The following PAFAH1B1 variants were observed in gnomAD, a reference collection of about 807,000 sequenced individuals.
PAFAH1B1 encodes the protein platelet activating factor acetylhydrolase 1b regulatory subunit 1.
In PAFAH1B1, 2 loss-of-function variants were observed where a neutral mutation model predicts 57.5. The ratio of observed to expected loss-of-function variants is 0.03; its 90% CI spans 0.01 to 0.11. The LOEUF (loss-of-function observed/expected upper bound fraction) is 0.11. Ranked by LOEUF, PAFAH1B1 falls within the 10% of genes least tolerant of loss-of-function variation. The pLI is 1.00. For missense variants in PAFAH1B1, 257 were observed against 512.0 expected (o/e 0.50, Z 4.81); for synonymous variants, 152 against 169.6 (o/e 0.90, Z 0.81).
intron 1 of PAFAH1B1, among the ~76,000 whole-genome samples, chr17:2,597,889 G>A (rs1567520941): frequency 6.6e-6 from 1 of 151,936 alleles, no homozygotes; most frequent in Non-Finnish European, 1.5e-5. Context: ...TGTGGTTCAT[G>A]TTATTCATAA....
At chr17:2,673,362 G>A (rs566150088) in intron 7 of PAFAH1B1, among the ~76,000 whole-genome samples, 20 of 152,120 alleles carry the variant, frequency 1.3e-4, no homozygotes, top group Admixed American at 1.2e-3. Context: ...ATCTTTGGCC[G>A]GGCGCGGTGG....
intron 6 of PAFAH1B1, among the ~76,000 whole-genome samples, chr17:2,670,704 C>G (rs1372289230): frequency 6.6e-6 from 1 of 152,170 alleles, no homozygotes; most frequent in Non-Finnish European, 1.5e-5. Flanking sequence ...CTCTTGCTCA[C>G]TTAAGTGAAA....
rs2068648271 is a variant in PAFAH1B1, at chr17:2,638,217, A to G, written c.-72A>G. On this transcript the variant is annotated 5_prime_UTR_variant, in exon 2 of 11. Coordinates refer to ENST00000397195, the MANE Select transcript of PAFAH1B1 (RefSeq NM_000430.4). ...GCATATTTAAATTATAAGTCCACGG[A>G]TCAAAAAGCTTTTTGATTTCCCAAA... 1.6e-6 allele frequency: 2 copies of G among 1,271,236 alleles called. No individual in the cohort carries two copies. Among genetic ancestry groups the G allele is most frequent in the African/African-American group, 1.5e-5 (1 of 67,982 alleles). 78.7% of individuals were successfully genotyped at this position (1,271,236 alleles called of 1,614,324 possible).
chr17:2,685,238 G>A lies in PAFAH1B1; in HGVS notation c.*3436G>A, dbSNP rs911698189. ...GAATGGGCCTTTTTATCTTCCCACTGTATCATGGAAGTAGCTGCTTGCTTG... is the reference window on the plus strand; with the variant it reads ...GAATGGGCCTTTTTATCTTCCCACTATATCATGGAAGTAGCTGCTTGCTTG... On this transcript the variant is annotated 3_prime_UTR_variant, in exon 11 of 11. Coordinates refer to ENST00000397195, the MANE Select transcript of PAFAH1B1 (RefSeq NM_000430.4). 6.6e-6 allele frequency: 1 copy of A among 152,530 alleles called. No individual in the cohort carries two copies. Among genetic ancestry groups the A allele is most frequent in the Non-Finnish European group, 1.5e-5 (1 of 68,040 alleles). 9.4% of individuals were successfully genotyped at this position (152,530 alleles called of 1,614,324 possible). A position where few individuals can be genotyped will look rare whatever the true frequency, so the allele number is the denominator to read the frequency against.
intron 1 of PAFAH1B1, among the ~76,000 whole-genome samples, chr17:2,635,998 C>G (rs1264044222): frequency 6.6e-6 from 1 of 151,390 alleles, no homozygotes; most frequent in African/African-American, 2.4e-5. Flanking sequence ...TGGCACATGC[C>G]TGTATTCTTA....
At chr17:2,645,083 C>T (rs1451561201) in intron 2 of PAFAH1B1, among the ~76,000 whole-genome samples, 1 of 151,886 alleles carries the variant, frequency 6.6e-6, no homozygotes, top group African/African-American at 2.4e-5. Flanking sequence ...CCCGTCTCTA[C>T]AAAAAATACA....
chr17:2,656,064 A>C (rs996572259), intron 2 of PAFAH1B1, among the ~76,000 whole-genome samples: 2 of 152,034 alleles, frequency 1.3e-5, no homozygotes, highest in African/African-American at 4.8e-5. Flanking sequence ...CTGAGACTAC[A>C]GACATCTGCC....
chr17:2,671,675 T>C (rs532243649), intron 6 of PAFAH1B1, among the ~76,000 whole-genome samples: 221 of 144,808 alleles, frequency 1.5e-3, no homozygotes, highest in African/African-American at 5.3e-3. Context: ...CAATCTTTGC[T>C]CACTGCAACC....
intron 2 of PAFAH1B1, chr17:2,640,778 G>C (rs779335768): frequency 6.6e-6 from 1 of 152,088 alleles, no homozygotes; most frequent in Non-Finnish European, 1.5e-5. Context: ...TTCTTGGCCA[G>C]AATACTACAT....
chr17:2,600,099 T>A (rs192724891), intron 1 of PAFAH1B1, among the ~76,000 whole-genome samples: 4 of 149,842 alleles, frequency 2.7e-5, no homozygotes, highest in African/African-American at 9.8e-5. Flanking sequence ...TCTGCCTCAG[T>A]CTCCCGAGTA....
chr17:2,634,048 A>C (rs2068590776), intron 1 of PAFAH1B1, among the ~76,000 whole-genome samples: 1 of 148,020 alleles, frequency 6.8e-6, no homozygotes, highest in African/African-American at 2.5e-5. Flanking sequence ...TTTCACAGGC[A>C]TCTTAGAATC....
intron 2 of PAFAH1B1, among the ~76,000 whole-genome samples, chr17:2,658,356 G>A (rs985541298): frequency 5.3e-5 from 8 of 152,150 alleles, no homozygotes; most frequent in Non-Finnish European, 1.0e-4. Flanking sequence ...GGTGGAGGCT[G>A]AAAACAACTG....
rs181167815 is a variant in PAFAH1B1, at chr17:2,655,479, G to T, written c.33-9893G>T. Among the ~76,000 whole-genome samples, 230 of 152,214 alleles carry T rather than the reference G, an allele frequency of 1.5e-3. 1 individual carries two copies. Among genetic ancestry groups the T allele is most frequent in the Non-Finnish European group, 2.5e-3 (172 of 68,024 alleles). On this transcript the variant is annotated intron_variant, in intron 2 of 10. Coordinates refer to ENST00000397195, the MANE Select transcript of PAFAH1B1 (RefSeq NM_000430.4). ...ACCTGAAGTCAGGAATTCAACATCA[G>T]CCTGACCAACATGGAGAAAACATGT... is the stretch of plus-strand genomic sequence containing the variant.
chr17:2,675,790 A>G (rs545232056), intron 8 of PAFAH1B1, among the ~76,000 whole-genome samples: 2 of 152,268 alleles, frequency 1.3e-5, no homozygotes, highest in South Asian at 2.1e-4. Context: ...GCAGTGAGCT[A>G]TGATTGTTCC....
In PAFAH1B1 at chr17:2,648,677, C is replaced by CAA. The variant is rs56187260; in HGVS notation, c.32+10372_32+10373dup. The stretch of plus-strand genomic sequence containing the variant: ...TGGGCAACAGAGTGAGACTCTGTCT[C>CAA]AAAAAAAAAAAAAAAAGTGAAACAC... On this transcript the variant is annotated intron_variant, in intron 2 of 10. Coordinates refer to ENST00000397195, the MANE Select transcript of PAFAH1B1 (RefSeq NM_000430.4). Among the ~76,000 whole-genome samples the CAA allele has an allele frequency of 4.6e-3, 401 of 86,942 alleles. 1 individual carries two copies. Among genetic ancestry groups the CAA allele is most frequent in the African/African-American group, 0.01 (221 of 21,852 alleles). 57.0% of individuals were successfully genotyped at this position (86,942 alleles called of 152,430 possible).
intron 1 of PAFAH1B1, among the ~76,000 whole-genome samples, chr17:2,612,689 A>G (rs1421560297): frequency 1.3e-5 from 2 of 151,978 alleles, no homozygotes; most frequent in Non-Finnish European, 2.9e-5. Context: ...GCTTCTCTGT[A>G]GCCTTGACTT....
intron 7 of PAFAH1B1, among the ~76,000 whole-genome samples, chr17:2,673,114 C>T (rs963073921): frequency 6.6e-6 from 1 of 152,064 alleles, no homozygotes; most frequent in African/African-American, 2.4e-5. Context: ...TTATAAAAAA[C>T]AAAATTGTGT....
intron 1 of PAFAH1B1, among the ~76,000 whole-genome samples, chr17:2,615,272 C>T (rs561036583): frequency 1.2e-4 from 18 of 151,998 alleles, no homozygotes; most frequent in Admixed American, 2.0e-4. Context: ...TATTGGTATC[C>T]GGGGGGTCCT....
At chr17:2,613,618 G>A (rs1220633880) in intron 1 of PAFAH1B1, 1 of 290,222 alleles carries the variant, frequency 3.4e-6, no homozygotes, top group Non-Finnish European at 6.9e-6. Context: ...TCTCCCCTTC[G>A]ATCCCCTGCT....
Sources: allele counts gnomAD v4.1 joint callset (sites outside exome capture counted in the v4.1 genomes callset), GRCh38; gene constraint gnomAD v4.1.1; transcripts MANE v1.5; gene names NCBI Gene and HGNC (gene_info 2026-07-23, HGNC 2026-07-21).